Variants in CUL2 observed in about 807,000 individuals in gnomAD.
The protein encoded by CUL2 is cullin-2.
Under a neutral mutation model 110.2 loss-of-function variants are expected in CUL2, and 22 were observed. The ratio of observed to expected loss-of-function variants is 0.20; its 90% CI spans 0.14 to 0.28. The LOEUF is 0.28. CUL2 is among the 10% of genes least tolerant of loss of function. CUL2 has a pLI of 1.00. For missense variants in CUL2, 631 were observed against 905.5 expected (o/e 0.70, Z 3.89); for synonymous variants, 279 against 293.2 (o/e 0.95, Z 0.49).
intron 1 of CUL2, chr10:35,074,259 C>A: frequency 6.6e-7 from 1 of 1,508,588 alleles, no homozygotes; most frequent in African/African-American, 1.4e-5. Flanking sequence ...CTTCTACAGA[C>A]AGCATTCAGT....
intron 1 of CUL2, among the ~76,000 whole-genome samples, chr10:35,110,051 T>C (rs2087507572): frequency 6.6e-6 from 1 of 152,050 alleles, no homozygotes; most frequent in African/African-American, 2.4e-5. Flanking sequence ...GTTGCACACC[T>C]GTGGTCTCAG....
chr10:35,076,960 G>A (rs2086833924), intron 1 of CUL2, among the ~76,000 whole-genome samples: 2 of 152,082 alleles, frequency 1.3e-5, no homozygotes, highest in Admixed American at 1.3e-4. Flanking sequence ...GCTGAGGCAG[G>A]AGAATGGCGT....
At chr10:35,042,484 C>A (rs2085818798) in intron 8 of CUL2, among the ~76,000 whole-genome samples, 1 of 152,114 alleles carries the variant, frequency 6.6e-6, no homozygotes, top group South Asian at 2.1e-4. Context: ...AATTTCTCTC[C>A]TACTCTCCTT....
upstream of CUL2, among the ~76,000 whole-genome samples, chr10:35,093,659 C>CAAAAAAAAAAAAAA (rs58582764): frequency 5.7e-5 from 5 of 87,800 alleles, no homozygotes; most frequent in Admixed American, 1.4e-4. Flanking sequence ...GACCTTCTCT[C>CAAAAAAAAAAAAAA]AAAAAAAAAA....
At chr10:35,072,372 CTT>C (rs150456156) in intron 1 of CUL2, among the ~76,000 whole-genome samples, 14 of 142,872 alleles carry the variant, frequency 9.8e-5, no homozygotes, top group East Asian at 2.0e-4. Flanking sequence ...ACTTAATGGG[CTT>C]TTTTTTTTTT....
At chr10:35,049,654 G>C (rs1258496863) in intron 6 of CUL2, 29 bp downstream of exon 6, 7 of 1,560,358 alleles carry the variant, frequency 4.5e-6, no homozygotes, top group Middle Eastern at 1.7e-4. Context: ...AAATAAAATT[G>C]ACTCAGTAAG....
rs954890949 is a variant in CUL2 at position 35,022,139 on chromosome 10, C to T, written c.1684+2993G>A. On this transcript the variant is annotated intron_variant, in intron 17 of 20. Transcript: ENST00000374749. Reference sequence around the variant, plus strand: ...AGGGCCAAGGCTCTGTATTTTATTTCTGTCCACTTGGCGTTTAGAAGTACC... The same window carrying T: ...AGGGCCAAGGCTCTGTATTTTATTTTTGTCCACTTGGCGTTTAGAAGTACC... Among the ~76,000 whole-genome samples, 7 of 152,220 alleles carry T rather than the reference C, an allele frequency of 4.6e-5. 1 individual carries two copies. The East Asian group carries it at 1.4e-3, about 29-fold the overall frequency.
chr10:35,009,183 GATATATATATATATATATT>G lies in CUL2; in HGVS notation c.*1109_*1127del, dbSNP rs930976629. 2.6e-5 allele frequency: 3 copies of G among 117,044 alleles called. No homozygotes were observed. Among genetic ancestry groups the G allele is most frequent in the Non-Finnish European group, 3.5e-5 (2 of 56,842 alleles). 7.3% of individuals were successfully genotyped at this position (117,044 alleles called of 1,614,324 possible). On this transcript the variant is annotated 3_prime_UTR_variant, in exon 21 of 21. Transcript: ENST00000374749. ...GCAGTACTCTTAACACTGCTGTTGAGATATATATATATATATATTATATATATATATATATATAAAATAA... is the reference window on the plus strand; with the variant it reads ...GCAGTACTCTTAACACTGCTGTTGAGATATATATATATATATATAAAATAA...
intron 1 of CUL2, among the ~76,000 whole-genome samples, chr10:35,102,317 A>G (rs2087391592): frequency 2.0e-5 from 3 of 152,172 alleles, no homozygotes; most frequent in Admixed American, 1.3e-4. Context: ...CACACCTGCA[A>G]TCCCAACACT....
chr10:35,067,206 C>G (rs1357093706), intron 2 of CUL2, among the ~76,000 whole-genome samples: 1 of 149,684 alleles, frequency 6.7e-6, no homozygotes, highest in Non-Finnish European at 1.5e-5. Context: ...GGAGGATGAA[C>G]TCATATTCCT....
intron 1 of CUL2, among the ~76,000 whole-genome samples, chr10:35,119,662 C>T (rs778499466): frequency 6.6e-6 from 1 of 151,760 alleles, no homozygotes; most frequent in South Asian, 2.1e-4. Flanking sequence ...GTGCAAACTC[C>T]TAGACCCAAG....
At chr10:35,066,057 G>A (rs1041108156) in intron 2 of CUL2, among the ~76,000 whole-genome samples, 10 of 152,178 alleles carry the variant, frequency 6.6e-5, no homozygotes, top group African/African-American at 2.4e-4. Flanking sequence ...CCAAAAGACA[G>A]TCCTAACCAG....
At chr10:35,097,837 T>C (rs988942905) in intron 2 of CUL2, among the ~76,000 whole-genome samples, 2 of 152,048 alleles carry the variant, frequency 1.3e-5, no homozygotes, top group Admixed American at 6.6e-5. Context: ...TGCATGCCTG[T>C]AGTCCCAGCT....
chr10:35,025,740 C>T (rs978982182), intron 16 of CUL2, among the ~76,000 whole-genome samples: 19 of 152,126 alleles, frequency 1.2e-4, no homozygotes, highest in Admixed American at 5.2e-4. Context: ...ACATTCCTCC[C>T]TGGACTGAAT....
chr10:35,055,813 T>C (rs1014442105), intron 4 of CUL2, among the ~76,000 whole-genome samples: 5 of 152,214 alleles, frequency 3.3e-5, no homozygotes, highest in African/African-American at 4.8e-5. Context: ...AATTTCATGC[T>C]GAGTTTCCAA....
At chr10:35,062,249 TCA>T (rs1209451679) in intron 3 of CUL2, among the ~76,000 whole-genome samples, 3 of 152,178 alleles carry the variant, frequency 2.0e-5, no homozygotes, top group Non-Finnish European at 4.4e-5. Context: ...AAAAAACTGG[TCA>T]CAGAGACAGC....
intron 4 of CUL2, among the ~76,000 whole-genome samples, chr10:35,058,352 A>C (rs1036958215): frequency 1.3e-5 from 2 of 152,186 alleles, no homozygotes; most frequent in African/African-American, 4.8e-5. Flanking sequence ...CCCCCGTGGT[A>C]AGGCAAAAAG....
At chr10:35,036,910 T>A (rs900086348) in intron 9 of CUL2, among the ~76,000 whole-genome samples, 1 of 152,148 alleles carries the variant, frequency 6.6e-6, no homozygotes, top group African/African-American at 2.4e-5. Flanking sequence ...ATGCTTGTAT[T>A]TTTTTGCAGA....
In CUL2 at chr10:35,010,224, T is replaced by C. The variant is rs994959081; in HGVS notation, c.*87A>G. On this transcript the variant is annotated 3_prime_UTR_variant, in exon 21 of 21. Coordinates refer to ENST00000374749, the MANE Select transcript of CUL2 (RefSeq NM_003591.4). ...CAGGGGCTGCCAAATGACCAAATTA[T>C]GGAGGCACAGTCCTGCTTTTTCCCA... is the stretch of plus-strand genomic sequence containing the variant. 7 of 1,369,406 alleles carry C rather than the reference T, an allele frequency of 5.1e-6. No homozygotes were observed. In the South Asian group the frequency reaches 1.4e-4, roughly 27 times the overall value. 84.8% of individuals were successfully genotyped at this position (1,369,406 alleles called of 1,614,324 possible).
Sources: gnomAD v4.1 joint callset for allele counts (sites outside exome capture counted in the v4.1 genomes callset) on GRCh38, gnomAD v4.1.1 for gene constraint, MANE v1.5 for transcripts, NCBI Gene and HGNC (gene_info 2026-07-23, HGNC 2026-07-21) for gene names.